Variants in TTLL2 observed in about 807,000 individuals in gnomAD.
TTLL2 encodes tubulin tyrosine ligase like 2, also known as probable tubulin polyglutamylase TTLL2.
Under a neutral mutation model 7.5 loss-of-function variants are expected in TTLL2, and 10 were observed. The ratio of observed to expected loss-of-function variants is 1.33; its 90% CI spans 0.82 to 2.25. The LOEUF is 2.25. Among genes scored for constraint, TTLL2 ranks in the 30% most tolerant of loss-of-function variants. The pLI, the probability that TTLL2 is intolerant of heterozygous loss-of-function variation, is 0.00. For synonymous variants in TTLL2, 284 were observed against 280.3 expected (o/e 1.01, Z -0.13); for missense variants, 733 against 735.7 (o/e 1.00, Z 0.04).
chr6:167,328,533 C>G (rs1333474796), intron 1 of TTLL2: 7 of 188,796 alleles, frequency 3.7e-5, no homozygotes, highest in Admixed American at 5.3e-5. Flanking sequence ...GCTGTGCTGG[C>G]TTCAAAGTGT....
intron 1 of TTLL2, among the ~76,000 whole-genome samples, chr6:167,329,162 C>T (rs4708773): frequency 0.28 from 42,113 of 151,908 alleles, 6,104 homozygotes; most frequent in East Asian, 0.52. Flanking sequence ...CGGGCCGCAC[C>T]TGAAACACAG....
rs1319671304 is a variant in TTLL2, at chr6:167,341,375, T to A, written c.1475T>A (p.Met492Lys). ...AAPASQLEGEMSGQDFHLSTR... is the reference protein window; with the variant it reads ...AAPASQLEGEKSGQDFHLSTR... The stretch of plus-strand genomic sequence containing the variant: ...CCTGCCTCCCAGCTGGAAGGAGAGA[T>A]GAGTGGGCAGGATTTTCATCTGTCA... Residue 492 changes from methionine to lysine, a missense_variant, in exon 3 of 3, where the codon ATG becomes AAG. Transcript: ENST00000239587. 1 of 1,613,640 alleles carries A rather than the reference T, an allele frequency of 6.2e-7. No homozygotes were observed. The highest frequency in any genetic ancestry group is 2.2e-5 in the East Asian group (1 of 44,822).
At chr6:167,337,886 C>T (rs1779010975) in intron 1 of TTLL2, among the ~76,000 whole-genome samples, 1 of 151,490 alleles carries the variant, frequency 6.6e-6, no homozygotes, top group Admixed American at 6.6e-5. Flanking sequence ...ACAATATAAG[C>T]AGCATACACA....
At chr6:167,326,873 C>T (rs1778853156) in intron 1 of TTLL2, among the ~76,000 whole-genome samples, 2 of 152,092 alleles carry the variant, frequency 1.3e-5, no homozygotes, top group African/African-American at 4.8e-5. Flanking sequence ...AGAAAATGAC[C>T]ACCGCAAGTC....
At chr6:167,339,044 C>T (rs1779034482) in intron 2 of TTLL2, among the ~76,000 whole-genome samples, 1 of 150,908 alleles carries the variant, frequency 6.6e-6, no homozygotes, top group Non-Finnish European at 1.5e-5. Flanking sequence ...CTCATTTCCT[C>T]CTTCCTTCCT....
At chr6:167,327,657 G>A (rs1778863186) in intron 1 of TTLL2, among the ~76,000 whole-genome samples, 1 of 152,118 alleles carries the variant, frequency 6.6e-6, no homozygotes. Context: ...TTGGCTACAG[G>A]GGTGGCTATT....
Position 167,340,355 on chromosome 6 carries a change from A to G in TTLL2, c.455A>G (p.Lys152Arg). 1.2e-6 allele frequency: 2 copies of G among 1,614,168 alleles called. No homozygotes were observed. Among genetic ancestry groups the G allele is most frequent in the Non-Finnish European group, 1.7e-6 (2 of 1,180,034 alleles). ...CTAAACCACCACCCTGGAACCACCA[A>G]GCTTACCAGGAAAGACTGTTTGGCC... ...QQLNHHPGTTKLTRKDCLAKH... is the reference protein window; with the variant it reads ...QQLNHHPGTTRLTRKDCLAKH... The change falls in exon 3 of 3, where the codon AAG becomes AGG. Residue 152 changes from lysine to arginine, a missense_variant. Lys to Arg is a conservative substitution (Grantham distance 26, BLOSUM62 2). Transcript: ENST00000239587.
intron 2 of TTLL2, 62 bp downstream of exon 2, chr6:167,338,865 T>TTCCTTCCC: frequency 6.8e-7 from 1 of 1,465,294 alleles, no homozygotes. Flanking sequence ...CCTTCCTTCC[T>TTCCTTCCC]TCTTTCCTCC....
chr6:167,338,670 C>G lies in TTLL2; in HGVS notation c.71C>G (p.Ala24Gly), dbSNP rs2115223161. The change falls in exon 2 of 3, where the codon GCC becomes GGC. Residue 24 changes from alanine (A) to glycine (G), a missense_variant. By Grantham distance (60) the Ala-to-Gly change is moderately conservative. Transcript: ENST00000239587. ...AGATCTTTGAGAACCACCACCCCAGCCTTTACCCTTAACATTCCATCCGAG... is the reference window on the plus strand; with the variant it reads ...AGATCTTTGAGAACCACCACCCCAGGCTTTACCCTTAACATTCCATCCGAG... ...ALGSLRTTTP[A>G]FTLNIPSEAN... is the part of the protein sequence containing the mutation. 6.2e-7 allele frequency: 1 copy of G among 1,613,952 alleles called. No individual in the cohort carries two copies. The highest frequency in any genetic ancestry group is 8.5e-7 in the Non-Finnish European group (1 of 1,179,898).
At chr6:167,328,403 C>T (rs1389413026) in intron 1 of TTLL2, 2 of 288,140 alleles carry the variant, frequency 6.9e-6, no homozygotes, top group East Asian at 7.8e-5. Context: ...AAAGGGGGCT[C>T]TTCCCCCTTC....
intron 1 of TTLL2, among the ~76,000 whole-genome samples, chr6:167,329,199 G>T (rs1328136728): frequency 6.6e-6 from 1 of 152,144 alleles, no homozygotes; most frequent in African/African-American, 2.4e-5. Context: ...GCTTTTGGCA[G>T]TGCAAGGTGG....
At chr6:167,334,295 G>A (rs1385288381) in intron 1 of TTLL2, among the ~76,000 whole-genome samples, 2 of 148,830 alleles carry the variant, frequency 1.3e-5, no homozygotes, top group Non-Finnish European at 2.9e-5. Context: ...TGATTGCACT[G>A]TGGTCTGAGA....
chr6:167,341,564 A>C lies in TTLL2; in HGVS notation c.1664A>C (p.Asn555Thr). 1 of 1,614,190 alleles carries C rather than the reference A, an allele frequency of 6.2e-7. No individual in the cohort carries two copies. Among genetic ancestry groups the C allele is most frequent in the Non-Finnish European group, 8.5e-7 (1 of 1,180,042 alleles). ...RGKAPDPQAG[N>T]FVLVFPFNEA... ...AAAGCTCCAGATCCCCAAGCAGGCA[A>C]CTTTGTTCTTGTTTTTCCTTTCAAT... The change falls in exon 3 of 3, where the codon AAC becomes ACC. Residue 555 changes from asparagine (N) to threonine (T), a missense_variant. Coordinates refer to ENST00000239587, the MANE Select transcript of TTLL2 (RefSeq NM_031949.5).
intron 1 of TTLL2, among the ~76,000 whole-genome samples, chr6:167,330,103 A>G (rs908192609): frequency 1.1e-4 from 17 of 152,222 alleles, no homozygotes; most frequent in African/African-American, 3.9e-4. Context: ...TTTGGGTTCA[A>G]AGCCAAGAGG....
At chr6:167,333,867 A>G (rs1778952461) in intron 1 of TTLL2, among the ~76,000 whole-genome samples, 1 of 128,350 alleles carries the variant, frequency 7.8e-6, no homozygotes, top group Admixed American at 8.0e-5. Context: ...CGGTCTATCA[A>G]TTTTGTTGAT....
chr6:167,340,209 C>G lies in TTLL2; in HGVS notation c.309C>G (p.Leu103=), dbSNP rs779810536. 3 of 1,614,068 alleles carry G rather than the reference C, an allele frequency of 1.9e-6. No homozygotes were observed. The highest frequency in any genetic ancestry group is 2.7e-5 in the African/African-American group (2 of 74,996). ...CCCCGGCTGTGGTGCAAAGCGTCCT[C>G]CTGGAGAGGGGGTGGAATAAGTTTG... ...ETTPAVVQSV[L]LERGWNKFDK... is the part of the protein sequence containing the mutation. The change falls in exon 3 of 3, where the codon CTC becomes CTG. Residue 103 remains leucine, a synonymous_variant. Coordinates refer to ENST00000239587, the MANE Select transcript of TTLL2 (RefSeq NM_031949.5).
rs1050305546 is a variant in TTLL2, at chr6:167,340,590, C to G, written c.690C>G (p.Asp230Glu). ...TACTAATTTTCAGTGACTTTAAAGA[C>G]TTCATCTTTGATGATATGTACATAG... ...RGILIFSDFK[D>E]FIFDDMYIVQ... The change falls in exon 3 of 3, where the codon GAC becomes GAG. Residue 230 changes from aspartate (D) to glutamate (E), a missense_variant. Asp to Glu is a conservative substitution (Grantham distance 45). Transcript: ENST00000239587. 7 of 1,614,224 alleles carry G rather than the reference C, an allele frequency of 4.3e-6. No individual in the cohort carries two copies. The highest frequency in any genetic ancestry group is 5.9e-6 in the Non-Finnish European group (7 of 1,180,044).
Position 167,341,109 on chromosome 6 carries a change from G to A in TTLL2, c.1209G>A (p.Val403=), listed in dbSNP as rs773460354. 3 of 1,613,932 alleles carry A rather than the reference G, an allele frequency of 1.9e-6. No homozygotes were observed. Among genetic ancestry groups the A allele is most frequent in the Admixed American group, 3.3e-5 (2 of 59,982 alleles). The stretch of plus-strand genomic sequence containing the variant: ...TGGATTGTTCAACAGATGTGTTGGT[G>A]AAGAGAAAACTTGTCCATGATATTA... The part of the protein sequence containing the change: ...LTLDCSTDVL[V]KRKLVHDIID... Residue 403 remains valine (V), a synonymous_variant, in exon 3 of 3, where the codon GTG becomes GTA. Coordinates refer to ENST00000239587, the MANE Select transcript of TTLL2 (RefSeq NM_031949.5).
intron 2 of TTLL2, among the ~76,000 whole-genome samples, chr6:167,339,597 A>G (rs1228309761): frequency 6.6e-6 from 1 of 152,180 alleles, no homozygotes. Context: ...AGGTGGGTGC[A>G]TGGGGAACCA....
Sources: gnomAD v4.1 joint callset for allele counts (sites outside exome capture counted in the v4.1 genomes callset) on GRCh38, gnomAD v4.1.1 for gene constraint, MANE v1.5 for transcripts, NCBI Gene and HGNC (gene_info 2026-07-23, HGNC 2026-07-21) for gene names.